RIPOR2: variants seen among roughly 807,000 people sequenced by gnomAD.
RIPOR2 encodes rho family-interacting cell polarization regulator 2.
Under a neutral mutation model 114.5 loss-of-function variants are expected in RIPOR2, and 39 were observed. The observed-to-expected ratio is 0.34, with a 90% CI of 0.26 to 0.44. RIPOR2 has a LOEUF of 0.44. Among genes scored for constraint, RIPOR2 ranks in the 20% least tolerant of loss-of-function variants. The pLI, the probability that RIPOR2 is intolerant of heterozygous loss-of-function variation, is 1.00. For synonymous variants in RIPOR2, 445 were observed against 484.4 expected (o/e 0.92, Z 1.07); for missense variants, 1,007 against 1,255.1 (o/e 0.80, Z 2.99).
intron 1 of RIPOR2, among the ~76,000 whole-genome samples, chr6:24,994,401 A>C (rs903202707): frequency 6.6e-6 from 1 of 152,224 alleles, no homozygotes; most frequent in Non-Finnish European, 1.5e-5. Context: ...ATCACAATAT[A>C]GCACCTTATT....
chr6:24,807,630 C>T (rs1284539909), intron 21 of RIPOR2, among the ~76,000 whole-genome samples: 1 of 152,150 alleles, frequency 6.6e-6, no homozygotes, highest in Non-Finnish European at 1.5e-5. Flanking sequence ...CTTAAAACTT[C>T]AGTTCCTCCA....
chr6:24,856,013 A>C (rs1335258828), intron 8 of RIPOR2, among the ~76,000 whole-genome samples: 1 of 152,210 alleles, frequency 6.6e-6, no homozygotes, highest in East Asian at 1.9e-4. Context: ...ACAGAGCGAG[A>C]CCCTCGACTC....
At chr6:24,845,858 G>T (rs1292925511) in intron 12 of RIPOR2, among the ~76,000 whole-genome samples, 2 of 152,170 alleles carry the variant, frequency 1.3e-5, no homozygotes, top group Non-Finnish European at 2.9e-5. Flanking sequence ...GTGCGTTCTA[G>T]AAGGAACAAC....
At chr6:24,937,828 G>T (rs1771901106), upstream of RIPOR2, among the ~76,000 whole-genome samples, 1 of 152,114 alleles carries the variant, frequency 6.6e-6, no homozygotes, top group African/African-American at 2.4e-5. Flanking sequence ...AGCTCACTCT[G>T]TTACCTCATG....
Position 24,889,882 on chromosome 6 carries a change from TTTTTA to T in RIPOR2, c.62-14070_62-14066del, listed in dbSNP as rs142434371. Among the ~76,000 whole-genome samples the T allele has an allele frequency of 2.8e-3, 420 of 151,516 alleles. 1 individual carries two copies. Among genetic ancestry groups the T allele is most frequent in the Non-Finnish European group, 4.9e-3 (329 of 67,822 alleles). On this transcript the variant is annotated intron_variant, in intron 1 of 21. Transcript: ENST00000643898. ...AGATACCTGCACCTGTATGTTCATT[TTTTTA>T]TTTTATTTTATTTTATTTTTTTGAG...
intron 1 of RIPOR2, among the ~76,000 whole-genome samples, chr6:24,889,691 A>G (rs1450208699): frequency 6.6e-6 from 1 of 152,054 alleles, no homozygotes; most frequent in Non-Finnish European, 1.5e-5. Context: ...GTCCCTATAC[A>G]TAGGGAGATG....
intron 1 of RIPOR2, among the ~76,000 whole-genome samples, chr6:24,879,287 C>T (rs917854114): frequency 4.6e-5 from 7 of 152,058 alleles, no homozygotes; most frequent in African/African-American, 9.7e-5. Context: ...TGGCGGCTGC[C>T]GTGAGAGGAG....
At chr6:24,825,478 T>A (rs749579654) in intron 18 of RIPOR2, 50 bp from the exon 19 acceptor site, 1 of 1,301,254 alleles carries the variant, frequency 7.7e-7, no homozygotes, top group South Asian at 1.3e-5. Flanking sequence ...GCTAAAGTAA[T>A]CAGCTCATTA....
intron 20 of RIPOR2, 82 bp downstream of exon 20, chr6:24,818,460 A>G: frequency 2.9e-6 from 2 of 700,512 alleles, no homozygotes; most frequent in Non-Finnish European, 4.5e-6. Flanking sequence ...ACTTTCAAAC[A>G]TGAAAGAAAA....
intron 1 of RIPOR2, among the ~76,000 whole-genome samples, chr6:24,980,013 A>C (rs1019590286): frequency 3.9e-5 from 6 of 152,246 alleles, no homozygotes; most frequent in Non-Finnish European, 8.8e-5. Context: ...GTAGGAAAGG[A>C]AGCAAGTGGA....
intron 3 of RIPOR2, 102 bp downstream of exon 3, chr6:24,873,542 C>A (rs1765416201): frequency 1.9e-6 from 2 of 1,048,756 alleles, no homozygotes; most frequent in African/African-American, 1.6e-5. Flanking sequence ...AATAAAATAC[C>A]TCCTACAGAA....
intron 20 of RIPOR2, among the ~76,000 whole-genome samples, chr6:24,817,949 A>C (rs2113637529): frequency 7.0e-6 from 1 of 142,692 alleles, no homozygotes; most frequent in Middle Eastern, 3.6e-3. Flanking sequence ...TTTTAAAATA[A>C]GATATACTTT....
intron 13 of RIPOR2, chr6:24,840,397 C>T: frequency 8.5e-7 from 1 of 1,179,344 alleles, no homozygotes; most frequent in Non-Finnish European, 1.1e-6. Context: ...CAATCCCATT[C>T]TCTGGCCTGG....
At chr6:24,895,827 A>G (rs1309804055) in intron 1 of RIPOR2, among the ~76,000 whole-genome samples, 1 of 151,836 alleles carries the variant, frequency 6.6e-6, no homozygotes, top group Non-Finnish European at 1.5e-5. Context: ...TGTCTCTACT[A>G]AAAAATACAA....
At chr6:25,005,864 A>G (rs1414001137) in intron 1 of RIPOR2, among the ~76,000 whole-genome samples, 2 of 151,410 alleles carry the variant, frequency 1.3e-5, no homozygotes, top group African/African-American at 4.8e-5. Flanking sequence ...CTCTCCTGCC[A>G]TGGTGACTCA....
intron 1 of RIPOR2, among the ~76,000 whole-genome samples, chr6:24,916,566 A>C (rs751325364): frequency 6.6e-6 from 1 of 152,216 alleles, no homozygotes; most frequent in Non-Finnish European, 1.5e-5. Flanking sequence ...GAAAAAGAAC[A>C]TAACAAGCCT....
intron 5 of RIPOR2, among the ~76,000 whole-genome samples, chr6:24,869,660 G>T (rs77419285): frequency 6.6e-6 from 1 of 152,096 alleles, no homozygotes; most frequent in Admixed American, 6.6e-5. Flanking sequence ...ATTTTGAGAA[G>T]TGAACTTGAA....
At chr6:24,824,964 T>C (rs1397800527) in intron 19 of RIPOR2, among the ~76,000 whole-genome samples, 6 of 152,200 alleles carry the variant, frequency 3.9e-5, no homozygotes, top group Non-Finnish European at 5.9e-5. Context: ...GATAGTGTGA[T>C]CTCATTTTAA....
chr6:24,821,453 G>A (rs1367385825), intron 19 of RIPOR2, among the ~76,000 whole-genome samples: 1 of 152,172 alleles, frequency 6.6e-6, no homozygotes, highest in Non-Finnish European at 1.5e-5. Flanking sequence ...CAAAGTGCTG[G>A]GATTACAGGC....
Sources: gnomAD v4.1 joint callset for allele counts (sites outside exome capture counted in the v4.1 genomes callset) on GRCh38, gnomAD v4.1.1 for gene constraint, MANE v1.5 for transcripts, NCBI Gene and HGNC (gene_info 2026-07-23, HGNC 2026-07-21) for gene names.